The following MAN2A1 variants were observed in gnomAD, a reference collection of about 807,000 sequenced individuals.
MAN2A1 encodes alpha-mannosidase 2.
A neutral mutation model predicts 142.6 loss-of-function variants in MAN2A1; 76 were observed. That is an observed-to-expected ratio of 0.53 (90% CI 0.44 to 0.65). The LOEUF (loss-of-function observed/expected upper bound fraction) is 0.65, where lower values mean the gene tolerates loss of function less well. MAN2A1 is among the 30% of genes least tolerant of loss of function. The pLI, the probability that MAN2A1 is intolerant of heterozygous loss-of-function variation, is 0.00. For missense variants in MAN2A1, 1,311 were observed against 1,365.1 expected (o/e 0.96, Z 0.62); for synonymous variants, 559 against 473.2 (o/e 1.18, Z -2.35).
intron 12 of MAN2A1, chr5:109,794,192 G>C (rs1252314021): frequency 1.3e-5 from 2 of 152,146 alleles, no homozygotes; most frequent in Non-Finnish European, 2.9e-5. Flanking sequence ...CTTAACGGCG[G>C]AAGTGAGATT....
intron 4 of MAN2A1, among the ~76,000 whole-genome samples, chr5:109,730,572 G>T (rs924773963): frequency 6.6e-6 from 1 of 151,068 alleles, no homozygotes; most frequent in East Asian, 1.9e-4. Flanking sequence ...AAAAAAATAC[G>T]TTACGATGGG....
chr5:109,713,887 G>C (rs922821444), intron 2 of MAN2A1, 113 bp downstream of exon 2: 2 of 958,300 alleles, frequency 2.1e-6, no homozygotes, highest in African/African-American at 3.3e-5. Flanking sequence ...TTGGATTCTA[G>C]TTTCTCTTTT....
At chr5:109,849,049 C>T (rs761067574) in intron 19 of MAN2A1, among the ~76,000 whole-genome samples, 2 of 152,218 alleles carry the variant, frequency 1.3e-5, no homozygotes, top group African/African-American at 2.4e-5. Flanking sequence ...CATTGTCACT[C>T]TCTAAAATAC....
chr5:109,817,343 A>G lies in MAN2A1; in HGVS notation c.2014A>G (p.Thr672Ala), dbSNP rs775655690. The G allele has an allele frequency of 1.9e-5, 30 of 1,614,036 alleles. No individual in the cohort carries two copies. Among genetic ancestry groups the G allele is most frequent in the Non-Finnish European group, 2.4e-5 (28 of 1,180,028 alleles). ...SLVSVYVSSP[T>A]VQVFSASGKP... ...GGTCTCAGTCTATGTGAGTTCCCCG[A>G]CAGTGCAAGTGTTCTCTGCTTCAGG... Residue 672 changes from threonine to alanine, a missense_variant, in exon 13 of 22, where the codon ACA becomes GCA. Transcript: ENST00000261483.
intron 4 of MAN2A1, among the ~76,000 whole-genome samples, chr5:109,738,852 T>C (rs1752184609): frequency 6.6e-6 from 1 of 152,142 alleles, no homozygotes; most frequent in Non-Finnish European, 1.5e-5. Flanking sequence ...TTTTAGTTTT[T>C]GTTTTTTTTT....
intron 12 of MAN2A1, among the ~76,000 whole-genome samples, chr5:109,806,038 C>G (rs1320494169): frequency 6.6e-6 from 1 of 152,162 alleles, no homozygotes; most frequent in Non-Finnish European, 1.5e-5. Flanking sequence ...CAGGAAAACT[C>G]CTTTACCCCA....
At chr5:109,833,214 C>T (rs543883850) in intron 16 of MAN2A1, among the ~76,000 whole-genome samples, 2 of 151,894 alleles carry the variant, frequency 1.3e-5, no homozygotes, top group African/African-American at 2.4e-5. Context: ...GGGCTCCTCA[C>T]ATCCCAGACG....
In MAN2A1 at chr5:109,713,644, C is replaced by G; in HGVS notation, c.260C>G (p.Pro87Arg). Residue 87 changes from proline (P) to arginine (R), a missense_variant, in exon 2 of 22, where the codon CCG becomes CGG. Around this residue, in one of 3 missense-constraint regions of MAN2A1, gnomAD observed 409 missense variants for 412.7 expected, o/e 0.99. Coordinates refer to ENST00000261483, the MANE Select transcript of MAN2A1 (RefSeq NM_002372.4). ...TTGAGTGAGTCTGTGGAGGATGGTC[C>G]GAAAAGTTCACAAAGCAATTTCAGC... ...INLSESVEDG[P>R]KSSQSNFSQG... is the part of the protein sequence containing the mutation. The G allele has an allele frequency of 6.2e-7, 1 of 1,614,146 alleles. No homozygotes were observed. The highest frequency in any genetic ancestry group is 8.5e-7 in the Non-Finnish European group (1 of 1,180,032).
intron 7 of MAN2A1, among the ~76,000 whole-genome samples, chr5:109,773,648 C>G (rs1439429339): frequency 6.6e-6 from 1 of 152,058 alleles, no homozygotes; most frequent in Non-Finnish European, 1.5e-5. Flanking sequence ...TTATATTTTA[C>G]TCACCAAGGT....
At position 109,706,133 on chromosome 5, in the gene MAN2A1, A is replaced by G. The variant is rs1024613809; in HGVS notation, c.136-7387A>G. Among the ~76,000 whole-genome samples, 4 of 152,332 alleles carry G rather than the reference A, an allele frequency of 2.6e-5. 1 individual carries two copies. Among genetic ancestry groups the G allele is most frequent in the Admixed American group, 2.0e-4 (3 of 15,300 alleles). The stretch of plus-strand genomic sequence containing the variant: ...TACTTGCATATACTAACTAATCCTC[A>G]TAACAACCCTATGAGTTAGGTATTA... On this transcript the variant is annotated intron_variant, in intron 1 of 21. Transcript: ENST00000261483.
chr5:109,789,329 C>A, intron 11 of MAN2A1, 131 bp from the exon 12 acceptor site: 2 of 573,012 alleles, frequency 3.5e-6, no homozygotes, highest in Non-Finnish European at 3.0e-6. Flanking sequence ...TAATTAGAAA[C>A]CCCTTGATAT....
At chr5:109,709,872 T>G (rs1047077744) in intron 1 of MAN2A1, among the ~76,000 whole-genome samples, 2 of 152,206 alleles carry the variant, frequency 1.3e-5, no homozygotes, top group Non-Finnish European at 2.9e-5. Flanking sequence ...CAGAAAATTG[T>G]CTTTTTCAAT....
At chr5:109,841,273 G>A (rs1263848120) in intron 16 of MAN2A1, among the ~76,000 whole-genome samples, 1 of 152,140 alleles carries the variant, frequency 6.6e-6, no homozygotes, top group Non-Finnish European at 1.5e-5. Flanking sequence ...CACTCTATTT[G>A]TAGTCTTTTA....
intron 1 of MAN2A1, among the ~76,000 whole-genome samples, chr5:109,709,136 C>G (rs1328136674): frequency 1.3e-5 from 2 of 150,094 alleles, no homozygotes; most frequent in African/African-American, 5.0e-5. Flanking sequence ...CCCAAATTAA[C>G]CATCACATGG....
At chr5:109,790,017 A>G (rs1251416150) in intron 12 of MAN2A1, among the ~76,000 whole-genome samples, 3 of 151,968 alleles carry the variant, frequency 2.0e-5, no homozygotes, top group South Asian at 2.1e-4. Flanking sequence ...GCTAAAGTAA[A>G]TGGGAAGGGT....
intron 1 of MAN2A1, among the ~76,000 whole-genome samples, chr5:109,706,679 A>C (rs1041765985): frequency 1.3e-5 from 2 of 152,178 alleles, no homozygotes; most frequent in African/African-American, 4.8e-5. Context: ...ACATTTGATG[A>C]CATAATCAGA....
chr5:109,855,447 T>A (rs1755584054), intron 20 of MAN2A1, 113 bp downstream of exon 20: 1 of 623,660 alleles, frequency 1.6e-6, no homozygotes, highest in African/African-American at 1.9e-5. Context: ...TGAGGAATTA[T>A]TAACAGGGCT....
intron 4 of MAN2A1, among the ~76,000 whole-genome samples, chr5:109,730,489 A>G (rs1403874824): frequency 6.6e-6 from 1 of 151,902 alleles, no homozygotes; most frequent in Non-Finnish European, 1.5e-5. Context: ...TCTCCAATCT[A>G]GAGGTCAAAT....
chr5:109,712,095 CTTT>C (rs34625389), intron 1 of MAN2A1, among the ~76,000 whole-genome samples: 1 of 143,836 alleles, frequency 7.0e-6, no homozygotes, highest in Non-Finnish European at 1.5e-5. Flanking sequence ...ATTTTGGCTA[CTTT>C]TTTTTTTTTT....
Sources: gnomAD v4.1 joint callset for allele counts (sites outside exome capture counted in the v4.1 genomes callset) on GRCh38, gnomAD v4.1.1 for gene constraint, gnomAD v4.1.1 regional missense constraint, MANE v1.5 for transcripts, NCBI Gene and HGNC (gene_info 2026-07-23, HGNC 2026-07-21) for gene names.